Variants in ACSL4 observed in about 807,000 individuals in gnomAD.
The protein encoded by ACSL4 is acyl-CoA synthetase long chain family member 4.
A neutral mutation model predicts 49.1 loss-of-function variants in ACSL4; 9 were observed. That is an observed-to-expected ratio of 0.18 (90% confidence interval 0.11 to 0.32). ACSL4 has a LOEUF of 0.32. Among genes scored for constraint, ACSL4 ranks in the 10% least tolerant of loss-of-function variants. The pLI, the probability that ACSL4 is intolerant of heterozygous loss-of-function variation, is 1.00. For missense variants in ACSL4, 333 were observed against 493.7 expected (o/e 0.67, Z 3.08); for synonymous variants, 191 against 170.3 (o/e 1.12, Z -0.95).
At chrX:109,701,173 G>A (rs1773431931) in intron 1 of ACSL4, among the ~76,000 whole-genome samples, 1 of 110,625 alleles carries the variant, frequency 9.0e-6, no homozygotes, top group Admixed American at 9.5e-5. Flanking sequence ...CATTTGGTGG[G>A]TAACTTTGAA....
intron 2 of ACSL4, among the ~76,000 whole-genome samples, chrX:109,694,765 C>T (rs1165277774): frequency 6.3e-5 from 7 of 111,446 alleles, no homozygotes; most frequent in Non-Finnish European, 1.3e-4. Flanking sequence ...TTTCACTAAC[C>T]AGCACTGGTC....
chrX:109,683,381 C>T lies in ACSL4; in HGVS notation c.-12-6G>A. On this transcript the variant is annotated splice_polypyrimidine_tract_variant and splice_region_variant and intron_variant, in intron 2 of 15. Transcript: ENST00000672401. ...TTTGCCATAGCGTTTTTCTTCTTGG[C>T]ATTGGTAAGAAAATACCATGGAATA... is the stretch of plus-strand genomic sequence containing the variant. The T allele has an allele frequency of 1.7e-6, 2 of 1,211,028 alleles. No individual in the cohort carries two copies. The highest frequency in any genetic ancestry group is 1.8e-5 in the South Asian group (1 of 56,994).
intron 9 of ACSL4, 25 bp from the exon 10 acceptor site, chrX:109,669,198 T>C (rs201622106): frequency 2.7e-6 from 3 of 1,120,214 alleles, no homozygotes; most frequent in Non-Finnish European, 3.7e-6. Context: ...AAATATTCAA[T>C]AATCTGAAAG....
rs1934501048 is a variant in ACSL4, at chrX:109,643,278, C to CA, written c.*750dup. On this transcript the variant is annotated 3_prime_UTR_variant, in exon 16 of 16. Transcript: ENST00000672401. The stretch of plus-strand genomic sequence containing the variant: ...CACAGAAAGGCAATTTTCAGCATTT[C>CA]AAAAAATGTACTTTCCTCTTAGTCA... 2 of 111,704 alleles carry CA rather than the reference C, an allele frequency of 1.8e-5. No homozygotes were observed. Among genetic ancestry groups the CA allele is most frequent in the South Asian group, 3.7e-4 (1 of 2,690 alleles). The allele number at this position is 111,704 out of a possible 1,213,427, so 9.2% of individuals were successfully genotyped here.
At chrX:109,707,388 C>T (rs1455120465) in intron 1 of ACSL4, among the ~76,000 whole-genome samples, 1 of 112,352 alleles carries the variant, frequency 8.9e-6, no homozygotes, top group Admixed American at 9.5e-5. Context: ...TTAGTACATG[C>T]TAAATAGAAA....
chrX:109,645,054 C>T (rs774877283), intron 15 of ACSL4, among the ~76,000 whole-genome samples: 83 of 113,031 alleles, frequency 7.3e-4, no homozygotes, highest in African/African-American at 2.5e-3. Context: ...GCTAGCACAG[C>T]AGTCTGAGAT....
intron 9 of ACSL4, among the ~76,000 whole-genome samples, chrX:109,671,260 G>A (rs917016007): frequency 9.1e-5 from 10 of 110,229 alleles, no homozygotes; most frequent in Non-Finnish European, 1.7e-4. Flanking sequence ...TGTGAAGAGC[G>A]CCTCTGCCCA....
At chrX:109,704,703 A>G (rs182110074) in intron 1 of ACSL4, among the ~76,000 whole-genome samples, 10 of 111,910 alleles carry the variant, frequency 8.9e-5, no homozygotes, top group African/African-American at 3.2e-4. Context: ...ATAAAAGGAA[A>G]CTAAAAAGAG....
rs1013965456 is a variant in ACSL4, at chrX:109,642,438, A to G, written c.*1591T>C. On this transcript the variant is annotated 3_prime_UTR_variant, in exon 16 of 16. Coordinates refer to ENST00000672401, the MANE Select transcript of ACSL4 (RefSeq NM_001318510.2). The stretch of plus-strand genomic sequence containing the variant: ...AACAGAAATCTTTACAAAAACCTTC[A>G]TTCTTGTTTATAATACTTGATTTTT... 4.5e-5 allele frequency: 5 copies of G among 111,619 alleles called. No homozygotes were observed. The highest frequency in any genetic ancestry group is 1.6e-4 in the African/African-American group (5 of 30,672). 9.2% of individuals were successfully genotyped at this position (111,619 alleles called of 1,213,427 possible).
At position 109,643,896 on chromosome X, in the gene ACSL4, G is replaced by A; in HGVS notation, c.*133C>T. 1.3e-6 allele frequency: 1 copy of A among 795,852 alleles called. No homozygotes were observed. The allele number at this position is 795,852 out of a possible 1,213,427, so 65.6% of individuals were successfully genotyped here. On this transcript the variant is annotated 3_prime_UTR_variant, in exon 16 of 16. Transcript: ENST00000672401. ...CGGACAACAATTTTAATAACTTTTG[G>A]TTTTGTTTTCTTTTTACTCTATCTT...
intron 15 of ACSL4, among the ~76,000 whole-genome samples, chrX:109,645,639 T>C (rs1342190885): frequency 1.8e-5 from 2 of 112,449 alleles, no homozygotes; most frequent in Non-Finnish European, 3.8e-5. Flanking sequence ...AGGAATGCAG[T>C]TCCTCACCAG....
intron 1 of ACSL4, among the ~76,000 whole-genome samples, chrX:109,724,820 A>T (rs892687921): frequency 9.0e-6 from 1 of 110,517 alleles, no homozygotes; most frequent in African/African-American, 3.3e-5. Flanking sequence ...GCTGAGGCAG[A>T]AGAATCGCTT....
chrX:109,649,512 C>T lies in ACSL4; in HGVS notation c.1856-5326G>A, dbSNP rs1316344567. Among the ~76,000 whole-genome samples, 14 of 111,707 alleles carry T rather than the reference C, an allele frequency of 1.3e-4. 2 individuals carry two copies. The highest frequency in any genetic ancestry group is 7.5e-4 in the South Asian group (2 of 2,677). On this transcript the variant is annotated intron_variant, in intron 15 of 15. Transcript: ENST00000672401. The stretch of plus-strand genomic sequence containing the variant: ...AACTGGATCCCTTCCTTACACCTTA[C>T]ACAAAAATCAATTCAAAATGGATTA...
chrX:109,647,437 G>A (rs1021804737), intron 15 of ACSL4, among the ~76,000 whole-genome samples: 5 of 111,847 alleles, frequency 4.5e-5, no homozygotes, highest in East Asian at 2.8e-4. Context: ...GGTACATAAC[G>A]AAATGAAGAC....
At chrX:109,677,663 C>T (rs1424210022) in intron 8 of ACSL4, among the ~76,000 whole-genome samples, 1 of 109,905 alleles carries the variant, frequency 9.1e-6, no homozygotes, top group Non-Finnish European at 1.9e-5. Flanking sequence ...CGCCTGCAAT[C>T]CCAGCTACTC....
chrX:109,708,729 C>T (rs1926544681), intron 1 of ACSL4, among the ~76,000 whole-genome samples: 1 of 111,887 alleles, frequency 8.9e-6, no homozygotes, highest in Non-Finnish European at 1.9e-5. Context: ...ATCTGAAATG[C>T]TCCAAAATCT....
chrX:109,662,772 C>T (rs1165943551), intron 13 of ACSL4, among the ~76,000 whole-genome samples: 3 of 110,927 alleles, frequency 2.7e-5, no homozygotes, highest in African/African-American at 9.8e-5. Flanking sequence ...CCATGCTGCC[C>T]CTTGGGTGGA....
At chrX:109,649,971 A>T (rs1934942740) in intron 15 of ACSL4, among the ~76,000 whole-genome samples, 1 of 109,243 alleles carries the variant, frequency 9.2e-6, no homozygotes, top group Admixed American at 9.8e-5. Flanking sequence ...TCAAAACCAC[A>T]ATGAGATACC....
At position 109,668,239 on chromosome X, in the gene ACSL4, C is replaced by T. The variant is rs763542957; in HGVS notation, c.1177G>A (p.Gly393Arg). 1.7e-6 allele frequency: 2 copies of T among 1,207,570 alleles called. No homozygotes were observed. The highest frequency in any genetic ancestry group is 3.5e-5 in the South Asian group (2 of 56,394). The change falls in exon 11 of 16, where the codon GGG (glycine) becomes AGG (arginine). Residue 393 changes from glycine to arginine, a missense_variant. Gly to Arg is a moderately radical substitution (Grantham distance 125). Transcript: ENST00000672401. Reference sequence around the variant, plus strand: ...CCAGACAGCATCATGCGGACATTCCCTCCCAGCAGGGCCTTGACCTTTTTA... The same window carrying T: ...CCAGACAGCATCATGCGGACATTCCTTCCCAGCAGGGCCTTGACCTTTTTA... The part of the protein sequence containing the change: ...LFKKVKALLG[G>R]NVRMMLSGGA...
Sources: gnomAD v4.1 joint callset for allele counts (sites outside exome capture counted in the v4.1 genomes callset) on GRCh38, gnomAD v4.1.1 for gene constraint, MANE v1.5 for transcripts, NCBI Gene and HGNC (gene_info 2026-07-23, HGNC 2026-07-21) for gene names.